The following THBS4 variants were observed in gnomAD, a reference collection of about 807,000 sequenced individuals.
THBS4 encodes thrombospondin-4.
THBS4 carries 90 observed loss-of-function variants against 115.7 expected under a neutral mutation model. The ratio of observed to expected loss-of-function variants is 0.78; its 90% CI spans 0.66 to 0.93. The LOEUF (loss-of-function observed/expected upper bound fraction) is 0.93, where lower values mean the gene tolerates loss of function less well. Among genes scored for constraint, THBS4 ranks in the 40% least tolerant of loss-of-function variants. THBS4 has a pLI of 0.00. For synonymous variants in THBS4, 460 were observed against 479.3 expected, an observed-to-expected ratio of 0.96 and a Z score of 0.53; for missense variants, 1,087 against 1,232.7, an observed-to-expected ratio of 0.88 and a Z score of 1.77.
intron 1 of THBS4, among the ~76,000 whole-genome samples, chr5:79,995,987 A>AG (rs59578353): frequency 1.3e-5 from 2 of 150,892 alleles, no homozygotes; most frequent in African/African-American, 4.9e-5. Flanking sequence ...AAAAAAAAAA[A>AG]TTAGCTGGAT....
At chr5:80,014,325 T>C (rs1489118553) in intron 2 of THBS4, among the ~76,000 whole-genome samples, 2 of 152,202 alleles carry the variant, frequency 1.3e-5, no homozygotes, top group Non-Finnish European at 2.9e-5. Flanking sequence ...TCAGGTGATG[T>C]GCCAATGGTA....
intron 2 of THBS4, among the ~76,000 whole-genome samples, chr5:80,016,103 G>A (rs1832241012): frequency 6.6e-6 from 1 of 152,136 alleles, no homozygotes; most frequent in Admixed American, 6.5e-5. Flanking sequence ...GCCAGACTTT[G>A]CCTCACTGAC....
chr5:80,061,236 A>G (rs573319242), intron 7 of THBS4, among the ~76,000 whole-genome samples: 1 of 152,306 alleles, frequency 6.6e-6, no homozygotes, highest in Non-Finnish European at 1.5e-5. Context: ...GGAGGCAGGC[A>G]CAGGCCCTGA....
chr5:80,073,626 T>C (rs1392874223), intron 15 of THBS4, among the ~76,000 whole-genome samples: 2 of 152,058 alleles, frequency 1.3e-5, no homozygotes, highest in East Asian at 1.9e-4. Flanking sequence ...CCTTGTGATC[T>C]GCCCGCCTCG....
At chr5:80,040,967 T>G (rs1832880547) in intron 2 of THBS4, among the ~76,000 whole-genome samples, 4 of 152,136 alleles carry the variant, frequency 2.6e-5, no homozygotes. Flanking sequence ...CCTTGAGAAC[T>G]AATCCATTTT....
chr5:80,032,444 G>A (rs1180865635), upstream of THBS4, among the ~76,000 whole-genome samples: 3 of 152,182 alleles, frequency 2.0e-5, no homozygotes, highest in Non-Finnish European at 4.4e-5. Flanking sequence ...TAGATAGGAA[G>A]GGGAGTTTAT....
At chr5:80,007,739 C>T (rs577210473) in intron 2 of THBS4, among the ~76,000 whole-genome samples, 68 of 152,310 alleles carry the variant, frequency 4.5e-4, no homozygotes, top group African/African-American at 1.5e-3. Context: ...ACCAAAATGC[C>T]GGGCTTGTGA....
intron 3 of THBS4, 115 bp downstream of exon 3, chr5:80,056,147 G>A (rs979040252): frequency 7.8e-7 from 1 of 1,281,292 alleles, no homozygotes; most frequent in Non-Finnish European, 1.0e-6. Flanking sequence ...AATGCCGCTT[G>A]CACATCAGAA....
In THBS4 at chr5:80,082,501, C is replaced by T. The variant is rs751804339; in HGVS notation, c.2780C>T (p.Ser927Phe). ...RGGRLGVFCFSQENIIWSNLK... is the reference protein window; with the variant it reads ...RGGRLGVFCFFQENIIWSNLK... Reference sequence around the variant, plus strand: ...GGCCGACTTGGCGTTTTCTGCTTCTCTCAAGAAAACATCATCTGGTCCAAC... The same window carrying T: ...GGCCGACTTGGCGTTTTCTGCTTCTTTCAAGAAAACATCATCTGGTCCAAC... The change falls in exon 21 of 22, where the codon TCT becomes TTT. Residue 927 changes from serine (S) to phenylalanine (F), a missense_variant. By Grantham distance (155) the Ser-to-Phe change is radical (BLOSUM62 -2). Around this residue, in one of 3 missense-constraint regions of THBS4, gnomAD observed 103 missense variants for 108.2 expected, o/e 0.95. Coordinates refer to ENST00000350881, the MANE Select transcript of THBS4 (RefSeq NM_003248.6). The T allele has an allele frequency of 6.2e-7, 1 of 1,614,220 alleles. No individual in the cohort carries two copies. The highest frequency in any genetic ancestry group is 8.5e-7 in the Non-Finnish European group (1 of 1,180,046).
intron 2 of THBS4, among the ~76,000 whole-genome samples, chr5:80,021,507 G>C (rs1832374317): frequency 6.6e-6 from 1 of 151,624 alleles, no homozygotes; most frequent in African/African-American, 2.4e-5. Flanking sequence ...TAAGAGCACT[G>C]TTCATAGTAC....
intron 8 of THBS4, among the ~76,000 whole-genome samples, chr5:80,062,639 CT>C (rs1833675742): frequency 6.6e-6 from 1 of 152,110 alleles, no homozygotes; most frequent in Non-Finnish European, 1.5e-5. Context: ...CACCTGTTAA[CT>C]TGTCATTTAC....
At chr5:80,017,122 G>A (rs1039774218) in intron 2 of THBS4, among the ~76,000 whole-genome samples, 1 of 152,156 alleles carries the variant, frequency 6.6e-6, no homozygotes, top group African/African-American at 2.4e-5. Context: ...TAGAATGCTA[G>A]TTCCTACATA....
At chr5:79,999,852 T>G (rs538414120) in intron 2 of THBS4, among the ~76,000 whole-genome samples, 5 of 152,354 alleles carry the variant, frequency 3.3e-5, no homozygotes, top group Admixed American at 2.0e-4. Flanking sequence ...CTCACATCAG[T>G]GCTTTAAATG....
chr5:80,005,762 A>ATTTTTTTT (rs567389394), intron 2 of THBS4, among the ~76,000 whole-genome samples: 2 of 119,872 alleles, frequency 1.7e-5, no homozygotes, highest in Non-Finnish European at 3.4e-5. Flanking sequence ...TGTTTGTGGC[A>ATTTTTTTT]TTTTTTTTTT....
intron 2 of THBS4, among the ~76,000 whole-genome samples, chr5:80,043,033 A>G (rs1007241937): frequency 2.0e-5 from 3 of 152,118 alleles, no homozygotes; most frequent in Admixed American, 2.0e-4. Context: ...TGAAAGATGA[A>G]CATCTCCCTA....
upstream of THBS4, among the ~76,000 whole-genome samples, chr5:80,033,569 G>C (rs1425832142): frequency 6.6e-6 from 1 of 152,170 alleles, no homozygotes; most frequent in Non-Finnish European, 1.5e-5. Context: ...AAATACTCTA[G>C]TGTCTACCTT....
chr5:80,081,034 G>A (rs1453178520), intron 20 of THBS4, among the ~76,000 whole-genome samples: 4 of 152,010 alleles, frequency 2.6e-5, no homozygotes, highest in African/African-American at 7.3e-5. Context: ...AAGTATTCTC[G>A]GGAGTTAGGA....
chr5:80,001,823 C>A (rs1831904984), intron 2 of THBS4, among the ~76,000 whole-genome samples: 1 of 152,112 alleles, frequency 6.6e-6, no homozygotes, highest in Non-Finnish European at 1.5e-5. Context: ...GTTGGAGGCA[C>A]CAAGGGTAAA....
intron 2 of THBS4, among the ~76,000 whole-genome samples, chr5:80,004,768 C>T (rs1270261226): frequency 1.3e-5 from 2 of 151,966 alleles, no homozygotes; most frequent in African/African-American, 2.4e-5. Context: ...GACAGAGTCA[C>T]GCTCTGTCAC....
Sources: allele counts gnomAD v4.1 joint callset (sites outside exome capture counted in the v4.1 genomes callset), GRCh38; gene constraint gnomAD v4.1.1; regional missense constraint gnomAD v4.1.1; transcripts MANE v1.5; gene names NCBI Gene and HGNC (gene_info 2026-07-23, HGNC 2026-07-21).